The following MCC variants were observed in gnomAD, a reference collection of about 807,000 sequenced individuals.
MCC encodes MCC regulator of Wnt signaling pathway, also known as colorectal mutant cancer protein.
A neutral mutation model predicts 116.2 loss-of-function variants in MCC; 90 were observed. That is an observed-to-expected ratio of 0.77 (90% CI 0.65 to 0.92). The LOEUF is 0.92. Ranked by LOEUF, MCC falls within the 40% of genes least tolerant of loss-of-function variation. The pLI, the probability that MCC is intolerant of heterozygous loss-of-function variation, is 0.00. For missense variants in MCC, 1,516 were observed against 1,312.2 expected, an observed-to-expected ratio of 1.16 and a Z score of -2.40; for synonymous variants, 578 against 510.5, an observed-to-expected ratio of 1.13 and a Z score of -1.78.
At chr5:113,149,866 G>A (rs898464953) in intron 4 of MCC, among the ~76,000 whole-genome samples, 1 of 152,148 alleles carries the variant, frequency 6.6e-6, no homozygotes, top group African/African-American at 2.4e-5. Flanking sequence ...AGAATCAGAG[G>A]AAAACAAGGC....
At chr5:113,222,384 T>C (rs1285107349) in intron 3 of MCC, among the ~76,000 whole-genome samples, 3 of 152,240 alleles carry the variant, frequency 2.0e-5, no homozygotes, top group African/African-American at 7.2e-5. Context: ...TTTTCTTTCA[T>C]TGTAATACAT....
At chr5:113,218,527 C>G (rs1168143157) in intron 3 of MCC, among the ~76,000 whole-genome samples, 1 of 152,170 alleles carries the variant, frequency 6.6e-6, no homozygotes, top group Admixed American at 6.5e-5. Context: ...CACTACAAAT[C>G]CCACAAGTGC....
chr5:113,152,573 G>A (rs529754928), intron 3 of MCC, among the ~76,000 whole-genome samples: 4 of 152,296 alleles, frequency 2.6e-5, no homozygotes, highest in African/African-American at 9.6e-5. Context: ...ACGATGGTAC[G>A]TAACTCAACT....
chr5:113,481,203 C>T (rs1772369442), intron 1 of MCC, among the ~76,000 whole-genome samples: 1 of 152,072 alleles, frequency 6.6e-6, no homozygotes, highest in Non-Finnish European at 1.5e-5. Context: ...TACAAGAGTG[C>T]AATATGATAA....
intron 1 of MCC, among the ~76,000 whole-genome samples, chr5:113,410,616 A>G (rs564529776): frequency 9.9e-5 from 15 of 152,270 alleles, no homozygotes; most frequent in African/African-American, 3.6e-4. Context: ...TGCAACTCTT[A>G]TTTTTAAATT....
chr5:113,440,984 C>T (rs970737417), intron 1 of MCC, among the ~76,000 whole-genome samples: 7 of 152,116 alleles, frequency 4.6e-5, no homozygotes, highest in African/African-American at 1.7e-4. Flanking sequence ...TGTGTATTTG[C>T]AGATTAGGTT....
chr5:113,253,631 T>A lies in MCC; in HGVS notation c.627+86888A>T, dbSNP rs201897236. ...TCAGCTGCTACACATCCTTCAGGCA[T>A]CCATATGGATAGGTAAGCAAGGATG... On this transcript the variant is annotated intron_variant, in intron 3 of 18. Coordinates refer to ENST00000408903, the MANE Select transcript of MCC (RefSeq NM_001085377.2). Among the ~76,000 whole-genome samples the A allele has an allele frequency of 2.0e-5, 3 of 152,048 alleles. No homozygotes were observed. The East Asian group carries it at 5.8e-4, about 29-fold the overall frequency.
chr5:113,179,010 T>C (rs1761478986), intron 3 of MCC, among the ~76,000 whole-genome samples: 1 of 152,208 alleles, frequency 6.6e-6, no homozygotes, highest in Non-Finnish European at 1.5e-5. Context: ...GCAAAAATGA[T>C]CCAGAAGTCA....
chr5:113,257,970 G>A (rs1765083123), intron 3 of MCC, among the ~76,000 whole-genome samples: 1 of 152,160 alleles, frequency 6.6e-6, no homozygotes, highest in African/African-American at 2.4e-5. Flanking sequence ...AGCTGAGGAA[G>A]CCACAACTCA....
chr5:113,160,748 T>C (rs1481170803), intron 3 of MCC, among the ~76,000 whole-genome samples: 1 of 152,218 alleles, frequency 6.6e-6, no homozygotes, highest in Non-Finnish European at 1.5e-5. Flanking sequence ...AGACAGGTAT[T>C]CATTCTTTAA....
chr5:113,384,320 G>A (rs905111108), intron 2 of MCC, among the ~76,000 whole-genome samples: 4 of 152,144 alleles, frequency 2.6e-5, no homozygotes, highest in Admixed American at 6.5e-5. Context: ...CAGGCGCAGC[G>A]GCTCACACCT....
chr5:113,077,999 A>G (rs539781260), intron 11 of MCC, among the ~76,000 whole-genome samples: 3 of 152,222 alleles, frequency 2.0e-5, no homozygotes, highest in Non-Finnish European at 4.4e-5. Flanking sequence ...CAAAAATACA[A>G]ACTACCATCA....
rs777108827 is a variant in MCC, at chr5:113,085,150, C to T, written c.1545+14G>A. ...AGGTGTTCCCGCTCATCGGGTCCAT[C>T]CCCAGGAACTCACCTTGGCGATGGG... is the stretch of plus-strand genomic sequence containing the variant. On this transcript the variant is annotated intron_variant, in intron 9 of 18. Coordinates refer to ENST00000408903, the MANE Select transcript of MCC (RefSeq NM_001085377.2). 6 of 1,613,982 alleles carry T rather than the reference C, an allele frequency of 3.7e-6. No individual in the cohort carries two copies. Among genetic ancestry groups the T allele is most frequent in the African/African-American group, 1.3e-5 (1 of 74,930 alleles).
At chr5:113,173,949 C>A (rs1761198615) in intron 3 of MCC, among the ~76,000 whole-genome samples, 1 of 152,134 alleles carries the variant, frequency 6.6e-6, no homozygotes, top group Non-Finnish European at 1.5e-5. Flanking sequence ...AAGACAGAGA[C>A]CTTTCTACAT....
intron 15 of MCC, among the ~76,000 whole-genome samples, chr5:113,052,831 C>G (rs147769485): frequency 8.5e-4 from 129 of 152,286 alleles, no homozygotes; most frequent in African/African-American, 2.9e-3. Flanking sequence ...CCAACACACG[C>G]CTGGTCCTTC....
At chr5:113,248,618 G>T (rs557295128) in intron 3 of MCC, among the ~76,000 whole-genome samples, 1 of 152,006 alleles carries the variant, frequency 6.6e-6, no homozygotes, top group Non-Finnish European at 1.5e-5. Context: ...TTGAAACCCC[G>T]GTTGACCCTC....
rs185458039 is a variant in MCC, at chr5:113,447,425, T to G, written c.170+40820A>C. Among the ~76,000 whole-genome samples the G allele has an allele frequency of 2.5e-3, 383 of 152,244 alleles. 4 individuals are homozygous for G. The highest frequency in any genetic ancestry group is 2.2e-3 in the Non-Finnish European group (153 of 68,012). ...ATTTGAAAAATATGCTGCAAATAATTTATTGAATTTTTTAAAGATATAAAT... is the reference window on the plus strand; with the variant it reads ...ATTTGAAAAATATGCTGCAAATAATGTATTGAATTTTTTAAAGATATAAAT... On this transcript the variant is annotated intron_variant, in intron 1 of 18. Coordinates refer to ENST00000408903, the MANE Select transcript of MCC (RefSeq NM_001085377.2).
Position 113,027,394 on chromosome 5 carries a change from T to C in MCC, c.2968A>G (p.Arg990Gly). The C allele has an allele frequency of 6.2e-7, 1 of 1,614,194 alleles. No individual in the cohort carries two copies. Among genetic ancestry groups the C allele is most frequent in the Non-Finnish European group, 8.5e-7 (1 of 1,180,028 alleles). ...AGCATCCTCACTTGGGTCTCATGTC[T>C]CTCCACCATGGCCATCATCTGCGAC... ...LESQMMAMVE[R>G]HETQVRMLKQ... is the part of the protein sequence containing the mutation. Residue 990 changes from arginine (R) to glycine (G), a missense_variant, in exon 19 of 19, where the codon AGA becomes GGA. Transcript: ENST00000408903.
intron 3 of MCC, among the ~76,000 whole-genome samples, chr5:113,222,098 C>A (rs1398928725): frequency 6.6e-6 from 1 of 152,060 alleles, no homozygotes; most frequent in East Asian, 1.9e-4. Flanking sequence ...TTCTTAAATT[C>A]CTGAGAGTTT....
Sources: allele counts gnomAD v4.1 joint callset (sites outside exome capture counted in the v4.1 genomes callset), GRCh38; gene constraint gnomAD v4.1.1; transcripts MANE v1.5; gene names NCBI Gene and HGNC (gene_info 2026-07-23, HGNC 2026-07-21).